The following PLCG2 variants were observed in gnomAD, a reference collection of about 807,000 sequenced individuals.
PLCG2 encodes the protein 1-phosphatidylinositol 4,5-bisphosphate phosphodiesterase gamma-2.
Under a neutral mutation model 175.6 loss-of-function variants are expected in PLCG2, and 69 were observed. That is an observed-to-expected ratio of 0.39 (90% CI 0.32 to 0.48). PLCG2 has a LOEUF of 0.48. Among genes scored for constraint, PLCG2 ranks in the 20% least tolerant of loss-of-function variants. PLCG2 has a pLI of 0.91. For missense variants in PLCG2, 1,798 were observed against 1,650.9 expected (o/e 1.09, Z -1.54); for synonymous variants, 827 against 624.0 (o/e 1.33, Z -4.85).
chr16:81,895,443 C>T (rs2143614091), intron 12 of PLCG2, among the ~76,000 whole-genome samples: 1 of 152,218 alleles, frequency 6.6e-6, no homozygotes, highest in East Asian at 1.9e-4. Context: ...GCCTGTAGTC[C>T]CAGTTACTCA....
intron 2 of PLCG2, among the ~76,000 whole-genome samples, chr16:81,830,326 G>A (rs1905209317): frequency 6.6e-6 from 1 of 152,028 alleles, no homozygotes; most frequent in Admixed American, 6.6e-5. Flanking sequence ...TTTTTCTTGA[G>A]ACAGAGTCTT....
At position 81,852,495 on chromosome 16, in the gene PLCG2, C is replaced by T. The variant is rs559890227; in HGVS notation, c.194-1949C>T. Among the ~76,000 whole-genome samples the T allele has an allele frequency of 1.0e-3, 154 of 152,200 alleles. 1 individual carries two copies. Among genetic ancestry groups the T allele is most frequent in the Admixed American group, 2.0e-3 (30 of 15,282 alleles). On this transcript the variant is annotated intron_variant, in intron 2 of 32. Transcript: ENST00000564138. Reference sequence around the variant, plus strand: ...GAAGGGACTGGTTGAGCTTGTTGAGCTTGTGTCTCTGTGCCAGTCCAGAGT... The same window carrying T: ...GAAGGGACTGGTTGAGCTTGTTGAGTTTGTGTCTCTGTGCCAGTCCAGAGT...
At chr16:81,793,611 C>T (rs558576966) in intron 2 of PLCG2, among the ~76,000 whole-genome samples, 8 of 152,298 alleles carry the variant, frequency 5.3e-5, no homozygotes, top group South Asian at 2.1e-4. Context: ...CCATGAGTGA[C>T]GGATTCTCAA....
intron 1 of PLCG2, among the ~76,000 whole-genome samples, chr16:81,751,518 A>G (rs1909812468): frequency 6.6e-6 from 1 of 152,204 alleles, no homozygotes; most frequent in South Asian, 2.1e-4. Flanking sequence ...AATCTCAGAT[A>G]GGAGGAATAT....
At chr16:81,951,311 A>C (rs1362431708) in intron 31 of PLCG2, among the ~76,000 whole-genome samples, 1 of 152,230 alleles carries the variant, frequency 6.6e-6, no homozygotes, top group African/African-American at 2.4e-5. Flanking sequence ...AAGAATAAAG[A>C]GGAAAAACAT....
At chr16:81,776,097 C>CT (rs899473304), upstream of PLCG2, among the ~76,000 whole-genome samples, 3 of 46,750 alleles carry the variant, frequency 6.4e-5, no homozygotes, top group Non-Finnish European at 1.6e-4. Context: ...CTCTTTCTTT[C>CT]TTTTTTTCCT....
intron 19 of PLCG2, among the ~76,000 whole-genome samples, chr16:81,914,072 A>T (rs1316074793): frequency 6.6e-6 from 1 of 152,156 alleles, no homozygotes; most frequent in Non-Finnish European, 1.5e-5. Flanking sequence ...GTACCTCCTC[A>T]GCCTGGATGG....
chr16:81,855,804 G>C (rs971223068), intron 3 of PLCG2, among the ~76,000 whole-genome samples: 3 of 152,176 alleles, frequency 2.0e-5, no homozygotes, highest in Non-Finnish European at 4.4e-5. Flanking sequence ...GAAAGGCTGT[G>C]GTGTGTGCCA....
At chr16:81,866,873 A>G (rs1243774773) in intron 5 of PLCG2, among the ~76,000 whole-genome samples, 2 of 152,204 alleles carry the variant, frequency 1.3e-5, no homozygotes, top group African/African-American at 4.8e-5. Context: ...GCCCTGGCCC[A>G]GCTGTTCCTT....
chr16:81,842,127 G>A (rs950052392), intron 2 of PLCG2, among the ~76,000 whole-genome samples: 5 of 152,226 alleles, frequency 3.3e-5, no homozygotes, highest in Non-Finnish European at 5.9e-5. Context: ...CCTGGTTCCT[G>A]TGCACCCCTG....
intron 2 of PLCG2, among the ~76,000 whole-genome samples, chr16:81,849,831 G>C (rs1301528615): frequency 6.6e-6 from 1 of 151,228 alleles, no homozygotes. Flanking sequence ...CATTTTACTG[G>C]GAAAGAGAAT....
chr16:81,817,316 G>A lies in PLCG2; in HGVS notation c.193+31134G>A, dbSNP rs185587786. Among the ~76,000 whole-genome samples the A allele has an allele frequency of 1.6e-4, 25 of 152,370 alleles. No individual in the cohort carries two copies. The East Asian group carries it at 2.9e-3, about 18-fold the overall frequency. ...ATAATATTAGTACCTGTGCCGTGAGGCAGTTGTGAAGGTAAAATGAATTAG... is the reference window on the plus strand; with the variant it reads ...ATAATATTAGTACCTGTGCCGTGAGACAGTTGTGAAGGTAAAATGAATTAG... On this transcript the variant is annotated intron_variant, in intron 2 of 32. Transcript: ENST00000564138.
chr16:81,764,047 C>T (rs1173723941), intron 2 of PLCG2, among the ~76,000 whole-genome samples: 1 of 151,906 alleles, frequency 6.6e-6, no homozygotes, highest in East Asian at 1.9e-4. Context: ...AATCCCAGCA[C>T]TTTGGGAGGC....
chr16:81,863,367 A>G (rs1016976267), intron 5 of PLCG2, among the ~76,000 whole-genome samples: 2 of 152,216 alleles, frequency 1.3e-5, no homozygotes, highest in African/African-American at 4.8e-5. Context: ...GTGTTGTAGC[A>G]TGTGTTAGAA....
At chr16:81,951,435 G>C (rs1163406074) in intron 31 of PLCG2, among the ~76,000 whole-genome samples, 1 of 152,180 alleles carries the variant, frequency 6.6e-6, no homozygotes, top group African/African-American at 2.4e-5. Context: ...CAGTAGAAAA[G>C]TTAAAACACC....
At position 81,854,563 on chromosome 16, in the gene PLCG2, G is replaced by C. The variant is rs754914807; in HGVS notation, c.313G>C (p.Val105Leu). The C allele has an allele frequency of 4.3e-6, 7 of 1,614,046 alleles. No individual in the cohort carries two copies. In the South Asian group the frequency reaches 6.6e-5, roughly 15 times the overall value. The change falls in exon 3 of 33, where the codon GTC becomes CTC. Residue 105 changes from valine (V) to leucine (L), a missense_variant. By Grantham distance (32) the Val-to-Leu change is conservative (BLOSUM62 1). Transcript: ENST00000564138. ...CFTILYGTQF[V>L]LSTLSLAADS... The stretch of plus-strand genomic sequence containing the variant: ...CACCATCCTATATGGCACTCAGTTC[G>C]TCCTCAGCACGCTCAGCTTGGCAGG...
chr16:81,905,423 A>G lies in PLCG2; in HGVS notation c.1383A>G (p.Arg461=), dbSNP rs369098550. Residue 461 remains arginine (R), a synonymous_variant, in exon 15 of 33, where the codon CGA becomes CGG. Transcript: ENST00000564138. ...CTCAGCATAAGAAGCTGGGCCCCCG[A>G]GGCGATGTGGATGTCAACATGGAGG... is the stretch of plus-strand genomic sequence containing the variant. ...IIIKHKKLGP[R]GDVDVNMEDK... is the part of the protein sequence containing the mutation. The G allele has an allele frequency of 1.7e-4, 273 of 1,613,978 alleles. 1 individual carries two copies. The highest frequency in any genetic ancestry group is 1.4e-3 in the South Asian group (125 of 91,064).
chr16:81,785,210 C>A (rs936481476), intron 1 of PLCG2, among the ~76,000 whole-genome samples: 1 of 152,180 alleles, frequency 6.6e-6, no homozygotes, highest in African/African-American at 2.4e-5. Flanking sequence ...CACCCACAAG[C>A]ATAAACAGCA....
chr16:81,861,720 C>T (rs1173345503), intron 5 of PLCG2, among the ~76,000 whole-genome samples: 1 of 152,222 alleles, frequency 6.6e-6, no homozygotes, highest in African/African-American at 2.4e-5. Flanking sequence ...GAGATTGGCA[C>T]AGGGCTGAGA....
Sources: allele counts gnomAD v4.1 joint callset (sites outside exome capture counted in the v4.1 genomes callset), GRCh38; gene constraint gnomAD v4.1.1; transcripts MANE v1.5; gene names NCBI Gene and HGNC (gene_info 2026-07-23, HGNC 2026-07-21).